The following NHS variants were observed in gnomAD, a reference collection of about 807,000 sequenced individuals.
The protein encoded by NHS is actin remodeling regulator NHS.
In NHS, 5 loss-of-function variants were observed where a neutral mutation model predicts 72.5. That is an observed-to-expected ratio of 0.07 (90% CI 0.04 to 0.14). The LOEUF is 0.14. Ranked by LOEUF, NHS falls within the 10% of genes least tolerant of loss-of-function variation. The pLI is 1.00. For missense variants in NHS, 1,072 were observed against 1,355.7 expected (o/e 0.79, Z 3.29); for synonymous variants, 464 against 547.7 (o/e 0.85, Z 2.13).
chrX:17,460,514 T>A (rs1333302093), intron 1 of NHS, among the ~76,000 whole-genome samples: 1 of 111,059 alleles, frequency 9.0e-6, no homozygotes, highest in African/African-American at 3.3e-5. Context: ...CAATGATTTT[T>A]TTTTTTTAGT....
At chrX:17,660,232 T>G (rs763263016) in intron 1 of NHS, among the ~76,000 whole-genome samples, 2 of 111,885 alleles carry the variant, frequency 1.8e-5, no homozygotes, top group East Asian at 5.6e-4. Flanking sequence ...TAGACACTAC[T>G]GTGTAGTCCG....
At chrX:17,477,119 A>G (rs1569262811) in intron 1 of NHS, among the ~76,000 whole-genome samples, 1 of 112,176 alleles carries the variant, frequency 8.9e-6, no homozygotes, top group African/African-American at 3.2e-5. Context: ...TGACCAACAT[A>G]AGATAAATAT....
chrX:17,668,274 C>T (rs967768402), intron 1 of NHS, among the ~76,000 whole-genome samples: 1 of 109,477 alleles, frequency 9.1e-6, no homozygotes, highest in Non-Finnish European at 1.9e-5. Context: ...CACACACCCA[C>T]ACACAAAAGT....
chrX:17,389,365 G>A (rs2047465321), intron 1 of NHS, among the ~76,000 whole-genome samples: 1 of 111,282 alleles, frequency 9.0e-6, no homozygotes, highest in Non-Finnish European at 1.9e-5. Context: ...ATTCCATGGG[G>A]GGCTTCTGGG....
At chrX:17,498,784 A>G (rs1327372245) in intron 1 of NHS, among the ~76,000 whole-genome samples, 4 of 111,519 alleles carry the variant, frequency 3.6e-5, no homozygotes, top group African/African-American at 1.3e-4. Flanking sequence ...ATCAAGCTAT[A>G]GCTGTGTCGA....
rs73636662 is a variant in NHS at position 17,596,534 on chromosome X, G to T, written c.566-91208G>T. Reference sequence around the variant, plus strand: ...GAAACCAAATTAAAAGTTGAAGCATGAACCAAGGTCAAAGGTTAAGGGTTA... The same window carrying T: ...GAAACCAAATTAAAAGTTGAAGCATTAACCAAGGTCAAAGGTTAAGGGTTA... On this transcript the variant is annotated intron_variant, in intron 1 of 8. Coordinates refer to ENST00000676302, the MANE Select transcript of NHS (RefSeq NM_001291867.2). Among the ~76,000 whole-genome samples, 843 of 112,061 alleles carry T rather than the reference G, an allele frequency of 7.5e-3. 8 individuals are homozygous for T. Among genetic ancestry groups the T allele is most frequent in the African/African-American group, 0.027 (819 of 30,847 alleles).
At chrX:17,697,118 T>C (rs779856788) in intron 3 of NHS, among the ~76,000 whole-genome samples, 27 of 111,332 alleles carry the variant, frequency 2.4e-4, no homozygotes, top group Non-Finnish European at 4.5e-4. Context: ...GTTTTCTCTA[T>C]ATAAAGCTTC....
chrX:17,718,949 AAGG>A (rs1308383051), intron 3 of NHS, among the ~76,000 whole-genome samples: 3 of 93,211 alleles, frequency 3.2e-5, no homozygotes, highest in Admixed American at 1.2e-4. Flanking sequence ...AGGAAGGAAG[AAGG>A]AGGGAAGGAA....
intron 1 of NHS, among the ~76,000 whole-genome samples, chrX:17,393,682 C>T (rs1229598353): frequency 9.0e-6 from 1 of 111,576 alleles, no homozygotes; most frequent in Admixed American, 9.5e-5. Flanking sequence ...CGGGAGTTGC[C>T]TTCTGTAAGT....
At chrX:17,493,726 C>A (rs1239011012) in intron 1 of NHS, among the ~76,000 whole-genome samples, 1 of 111,442 alleles carries the variant, frequency 9.0e-6, no homozygotes, top group Non-Finnish European at 1.9e-5. Context: ...ATCTCAGGCC[C>A]CACGCCAGAT....
chrX:17,465,978 T>C (rs1284847855), intron 1 of NHS, among the ~76,000 whole-genome samples: 1 of 113,014 alleles, frequency 8.8e-6, no homozygotes, highest in Non-Finnish European at 1.9e-5. Flanking sequence ...TAGCATATGG[T>C]GATTAGCTGG....
chrX:17,601,013 G>A (rs1041446774), intron 1 of NHS, among the ~76,000 whole-genome samples: 5 of 111,702 alleles, frequency 4.5e-5, no homozygotes, highest in African/African-American at 9.8e-5. Context: ...TTCAGGGTAC[G>A]GAGAAACATA....
At chrX:17,564,612 C>T (rs1210631271) in intron 1 of NHS, among the ~76,000 whole-genome samples, 2 of 112,514 alleles carry the variant, frequency 1.8e-5, no homozygotes, top group Admixed American at 9.4e-5. Flanking sequence ...GGCTATTTGT[C>T]TTACCAGGAC....
intron 1 of NHS, among the ~76,000 whole-genome samples, chrX:17,552,689 C>A (rs1474584361): frequency 8.9e-6 from 1 of 111,815 alleles, no homozygotes; most frequent in East Asian, 2.8e-4. Context: ...TGCCTGCCAC[C>A]CCAGTATTAT....
intron 1 of NHS, among the ~76,000 whole-genome samples, chrX:17,393,899 C>G (rs894349046): frequency 9.0e-6 from 1 of 111,462 alleles, no homozygotes; most frequent in African/African-American, 3.3e-5. Context: ...TAAAAGGCCT[C>G]AAGCAAATTC....
intron 1 of NHS, among the ~76,000 whole-genome samples, chrX:17,478,650 T>C (rs1177546617): frequency 8.9e-6 from 1 of 111,782 alleles, no homozygotes; most frequent in Non-Finnish European, 1.9e-5. Flanking sequence ...CAACAGTCTA[T>C]CTAATATTTT....
At chrX:17,520,699 C>T (rs1275358804) in intron 1 of NHS, among the ~76,000 whole-genome samples, 2 of 111,643 alleles carry the variant, frequency 1.8e-5, no homozygotes, top group African/African-American at 3.3e-5. Context: ...TAAATATTGC[C>T]GTCATTATTT....
At chrX:17,517,050 C>T (rs1008944206) in intron 1 of NHS, among the ~76,000 whole-genome samples, 4 of 112,046 alleles carry the variant, frequency 3.6e-5, no homozygotes, top group African/African-American at 1.3e-4. Flanking sequence ...TGCACAGAGG[C>T]GCCCCTTGAA....
chrX:17,578,642 A>C (rs997442611), intron 1 of NHS, among the ~76,000 whole-genome samples: 2 of 112,360 alleles, frequency 1.8e-5, no homozygotes, highest in Non-Finnish European at 3.8e-5. Flanking sequence ...ATTAGCAACA[A>C]GAAGTAAGGC....
Sources: gnomAD v4.1 joint callset for allele counts (sites outside exome capture counted in the v4.1 genomes callset) on GRCh38, gnomAD v4.1.1 for gene constraint, MANE v1.5 for transcripts, NCBI Gene and HGNC (gene_info 2026-07-23, HGNC 2026-07-21) for gene names.